The following GRIN3A variants were observed in gnomAD, a reference collection of about 807,000 sequenced individuals.
The protein encoded by GRIN3A is glutamate ionotropic receptor NMDA type subunit 3A, also known as glutamate receptor ionotropic, NMDA 3A.
GRIN3A carries 47 observed loss-of-function variants against 92.4 expected under a neutral mutation model. The ratio of observed to expected loss-of-function variants is 0.51; its 90% CI spans 0.40 to 0.65. GRIN3A has a LOEUF of 0.65. Ranked by LOEUF, GRIN3A falls within the 30% of genes least tolerant of loss-of-function variation. The pLI is 0.00. For missense variants in GRIN3A, 1,324 were observed against 1,393.1 expected, an observed-to-expected ratio of 0.95 and a Z score of 0.79; for synonymous variants, 527 against 540.6, an observed-to-expected ratio of 0.97 and a Z score of 0.35.
intron 3 of GRIN3A, among the ~76,000 whole-genome samples, chr9:101,633,770 T>C (rs1176785785): frequency 6.6e-6 from 1 of 151,240 alleles, no homozygotes; most frequent in Non-Finnish European, 1.5e-5. Context: ...GAAAAAATTG[T>C]CCACAAAATC....
chr9:101,628,135 A>G, intron 4 of GRIN3A, 121 bp downstream of exon 4: 2 of 880,100 alleles, frequency 2.3e-6, no homozygotes, highest in Non-Finnish European at 3.7e-6. Context: ...GTAAAGTATT[A>G]CTTAACACAA....
At chr9:101,613,690 C>T (rs1041176021) in intron 5 of GRIN3A, among the ~76,000 whole-genome samples, 163 bp from the exon 6 acceptor site, 1 of 152,148 alleles carries the variant, frequency 6.6e-6, no homozygotes, top group Non-Finnish European at 1.5e-5. Flanking sequence ...GTCATGATTA[C>T]CCTTAAATCA....
rs893647421 is a variant in GRIN3A at position 101,614,154 on chromosome 9, C to T, written c.2615-627G>A. The stretch of plus-strand genomic sequence containing the variant: ...AATAAGATTATTTATATATTGCTTG[C>T]TGTAATATAAACTGAAAATTGATAC... On this transcript the variant is annotated intron_variant, in intron 5 of 8. Coordinates refer to ENST00000361820, the MANE Select transcript of GRIN3A (RefSeq NM_133445.3). 1.1e-4 allele frequency among the ~76,000 whole-genome samples: 16 copies of T among 152,156 alleles called. No individual in the cohort carries two copies. In the East Asian group the frequency reaches 2.1e-3, roughly 20 times the overall value.
chr9:101,609,760 G>T (rs1362141728), intron 6 of GRIN3A, among the ~76,000 whole-genome samples: 1 of 152,210 alleles, frequency 6.6e-6, no homozygotes, highest in Non-Finnish European at 1.5e-5. Context: ...TAGCCTAGAG[G>T]CTTGTATGTG....
At chr9:101,686,050 C>G (rs191250103) in intron 2 of GRIN3A, among the ~76,000 whole-genome samples, 16 of 152,212 alleles carry the variant, frequency 1.1e-4, no homozygotes, top group Non-Finnish European at 1.8e-4. Context: ...TCTATACTGT[C>G]TTAAGCATCA....
At chr9:101,702,141 A>G (rs1384731893) in intron 1 of GRIN3A, among the ~76,000 whole-genome samples, 1 of 152,084 alleles carries the variant, frequency 6.6e-6, no homozygotes, top group African/African-American at 2.4e-5. Context: ...GTCTCTACTA[A>G]AAATACAAAA....
chr9:101,641,792 T>TAAA lies in GRIN3A; in HGVS notation c.2353-13394_2353-13392dup, dbSNP rs10631033. On this transcript the variant is annotated intron_variant, in intron 3 of 8. Coordinates refer to ENST00000361820, the MANE Select transcript of GRIN3A (RefSeq NM_133445.3). ...ACTTAAAGTATAATAACAATAAAAT[T>TAAA]AAAAAAAAAAACGAAATGCAATAAA... Among the ~76,000 whole-genome samples the TAAA allele has an allele frequency of 5.1e-3, 722 of 141,962 alleles. 3 individuals carry two copies. The highest frequency in any genetic ancestry group is 0.017 in the African/African-American group (649 of 38,852). The allele number at this position is 141,962 out of a possible 152,430, so 93.1% of individuals were successfully genotyped here.
At chr9:101,653,182 T>C (rs577762918) in intron 3 of GRIN3A, among the ~76,000 whole-genome samples, 50 of 152,110 alleles carry the variant, frequency 3.3e-4, no homozygotes, top group Non-Finnish European at 5.3e-4. Flanking sequence ...GAATTTCATC[T>C]GAGCAAGATT....
intron 1 of GRIN3A, among the ~76,000 whole-genome samples, chr9:101,723,771 G>C (rs375586799): frequency 6.6e-6 from 1 of 151,618 alleles, no homozygotes; most frequent in African/African-American, 2.4e-5. Flanking sequence ...ACAGAGTGTC[G>C]ATTGGTGCAT....
At chr9:101,629,139 T>A (rs1828679486) in intron 3 of GRIN3A, among the ~76,000 whole-genome samples, 1 of 152,142 alleles carries the variant, frequency 6.6e-6, no homozygotes. Context: ...AACATATAAA[T>A]CATGTTTGTA....
At chr9:101,612,206 A>C (rs1828377625) in intron 6 of GRIN3A, among the ~76,000 whole-genome samples, 1 of 152,244 alleles carries the variant, frequency 6.6e-6, no homozygotes, top group South Asian at 2.1e-4. Context: ...CTTGGACTCG[A>C]GTGACAACAG....
rs903516075 is a variant in GRIN3A at position 101,570,704 on chromosome 9, G to T, written c.*2470C>A. ...CATCTACTTTGTGGATAGGCAGGGC[G>T]ATCTGGCATGTGATCACCACTGCTC... On this transcript the variant is annotated 3_prime_UTR_variant, in exon 9 of 9. Transcript: ENST00000361820. 1.3e-5 allele frequency: 2 copies of T among 152,594 alleles called. No individual in the cohort carries two copies. Among genetic ancestry groups the T allele is most frequent in the Non-Finnish European group, 2.9e-5 (2 of 68,038 alleles). The allele number at this position is 152,594 out of a possible 1,614,324, so 9.5% of individuals were successfully genotyped here. A position where few individuals can be genotyped will look rare whatever the true frequency, so the allele number is the denominator to read the frequency against.
Position 101,570,860 on chromosome 9 carries a change from G to C in GRIN3A, c.*2314C>G, listed in dbSNP as rs1827749608. 6.6e-6 allele frequency: 1 copy of C among 152,582 alleles called. No homozygotes were observed. Among genetic ancestry groups the C allele is most frequent in the African/African-American group, 2.4e-5 (1 of 41,432 alleles). 9.5% of individuals were successfully genotyped at this position (152,582 alleles called of 1,614,324 possible). ...TACTTTACAAAAGAATTCACTTCTGGGTTCCCTTAAACAGCCAGCTTCTCA... is the reference window on the plus strand; with the variant it reads ...TACTTTACAAAAGAATTCACTTCTGCGTTCCCTTAAACAGCCAGCTTCTCA... On this transcript the variant is annotated 3_prime_UTR_variant, in exon 9 of 9. Coordinates refer to ENST00000361820, the MANE Select transcript of GRIN3A (RefSeq NM_133445.3).
At chr9:101,662,248 T>TA (rs1051048994) in intron 3 of GRIN3A, among the ~76,000 whole-genome samples, 1 of 151,840 alleles carries the variant, frequency 6.6e-6, no homozygotes, top group Non-Finnish European at 1.5e-5. Context: ...GTTAGCTCAG[T>TA]AAGGGAATCT....
At chr9:101,663,632 G>GT (rs1313842936) in intron 3 of GRIN3A, among the ~76,000 whole-genome samples, 4 of 151,690 alleles carry the variant, frequency 2.6e-5, no homozygotes, top group Admixed American at 6.6e-5. Flanking sequence ...CAATAAAGGC[G>GT]TTTTTTCTTA....
At chr9:101,688,867 CAA>C (rs911410367) in intron 1 of GRIN3A, among the ~76,000 whole-genome samples, 1 of 151,980 alleles carries the variant, frequency 6.6e-6, no homozygotes, top group African/African-American at 2.4e-5. Flanking sequence ...GACTCTGTCT[CAA>C]AAATAGAATA....
At chr9:101,696,484 TA>T (rs1475304237) in intron 1 of GRIN3A, among the ~76,000 whole-genome samples, 1 of 152,174 alleles carries the variant, frequency 6.6e-6, no homozygotes, top group Non-Finnish European at 1.5e-5. Flanking sequence ...ACTTTTGGAA[TA>T]AAGATGTTGC....
At chr9:101,635,947 C>T (rs1036097117) in intron 3 of GRIN3A, among the ~76,000 whole-genome samples, 10 of 152,252 alleles carry the variant, frequency 6.6e-5, no homozygotes, top group African/African-American at 1.2e-4. Context: ...CTGGAGTGCA[C>T]GATCTCAGCT....
chr9:101,601,271 G>A (rs991442596), intron 6 of GRIN3A, among the ~76,000 whole-genome samples: 1 of 152,200 alleles, frequency 6.6e-6, no homozygotes, highest in East Asian at 1.9e-4. Flanking sequence ...TTGAATGTTT[G>A]GCTAAGACAT....
Sources: gnomAD v4.1 joint callset for allele counts (sites outside exome capture counted in the v4.1 genomes callset) on GRCh38, gnomAD v4.1.1 for gene constraint, MANE v1.5 for transcripts, NCBI Gene and HGNC (gene_info 2026-07-23, HGNC 2026-07-21) for gene names.